The following DSCAM variants were observed in gnomAD, a reference collection of about 807,000 sequenced individuals.
DSCAM encodes the protein DS cell adhesion molecule, also known as cell adhesion molecule DSCAM.
Under a neutral mutation model 217.7 loss-of-function variants are expected in DSCAM, and 47 were observed. The ratio of observed to expected loss-of-function variants is 0.22; its 90% CI spans 0.17 to 0.28. The LOEUF is 0.28. Among genes scored for constraint, DSCAM ranks in the 10% least tolerant of loss-of-function variants. DSCAM has a pLI of 1.00. For synonymous variants in DSCAM, 1,056 were observed against 1,015.3 expected (o/e 1.04, Z -0.76); for missense variants, 2,080 against 2,618.3 (o/e 0.79, Z 4.49).
chr21:40,183,889 A>T (rs2090866048), intron 14 of DSCAM, among the ~76,000 whole-genome samples: 1 of 152,240 alleles, frequency 6.6e-6, no homozygotes, highest in African/African-American at 2.4e-5. Flanking sequence ...TGCCTAAAAC[A>T]GATGTTGAGA....
chr21:40,283,861 C>T (rs1305096043), intron 10 of DSCAM, among the ~76,000 whole-genome samples: 1 of 151,986 alleles, frequency 6.6e-6, no homozygotes. Flanking sequence ...CCAGAGGGGT[C>T]CCCTTGTAGG....
intron 1 of DSCAM, among the ~76,000 whole-genome samples, chr21:40,741,711 A>C (rs2091125903): frequency 6.6e-6 from 1 of 152,228 alleles, no homozygotes; most frequent in African/African-American, 2.4e-5. Context: ...GTAATACTGC[A>C]GCCCCATCCA....
At chr21:40,599,653 A>G (rs1029284004) in intron 3 of DSCAM, among the ~76,000 whole-genome samples, 3 of 152,230 alleles carry the variant, frequency 2.0e-5, no homozygotes, top group Admixed American at 1.3e-4. Context: ...ATCCTTCAAA[A>G]AAATCAATGA....
At chr21:40,378,426 A>G (rs893119608) in intron 3 of DSCAM, among the ~76,000 whole-genome samples, 1 of 152,194 alleles carries the variant, frequency 6.6e-6, no homozygotes. Flanking sequence ...GTATATTTCA[A>G]GTGTGAGACT....
In DSCAM at chr21:40,330,259, TTA is replaced by T. The variant is rs1280308658; in HGVS notation, c.1783+7840_1783+7841del. 1.0e-4 allele frequency among the ~76,000 whole-genome samples: 15 copies of T among 148,000 alleles called. No individual in the cohort carries two copies. The South Asian group carries it at 2.5e-3, about 25-fold the overall frequency. On this transcript the variant is annotated intron_variant, in intron 8 of 32. Transcript: ENST00000400454. The stretch of plus-strand genomic sequence containing the variant: ...ACATAACATATATTTATGCATATAT[TTA>T]TATATATCAAAATATATTTATTATA...
intron 3 of DSCAM, among the ~76,000 whole-genome samples, chr21:40,533,161 T>G (rs189454903): frequency 1.3e-5 from 2 of 152,208 alleles, no homozygotes; most frequent in South Asian, 4.1e-4. Context: ...CAGGATACTG[T>G]AAAGAGAATA....
At chr21:40,595,039 C>A (rs1258801958) in intron 3 of DSCAM, among the ~76,000 whole-genome samples, 1 of 152,188 alleles carries the variant, frequency 6.6e-6, no homozygotes, top group East Asian at 1.9e-4. Flanking sequence ...ACAGGGCAGG[C>A]CTTCTTTGGT....
At chr21:40,295,694 G>A (rs953216257) in intron 10 of DSCAM, among the ~76,000 whole-genome samples, 2 of 152,200 alleles carry the variant, frequency 1.3e-5, no homozygotes, top group Non-Finnish European at 2.9e-5. Flanking sequence ...GAGTAGTTCT[G>A]ACAATTTAAA....
At chr21:40,485,314 C>A (rs1028797011) in intron 3 of DSCAM, among the ~76,000 whole-genome samples, 1 of 148,464 alleles carries the variant, frequency 6.7e-6, no homozygotes, top group Non-Finnish European at 1.5e-5. Flanking sequence ...GCGATCTCGG[C>A]TCACTGCAAG....
intron 3 of DSCAM, among the ~76,000 whole-genome samples, chr21:40,563,645 G>A (rs2076739937): frequency 7.2e-6 from 1 of 139,596 alleles, no homozygotes; most frequent in Admixed American, 7.1e-5. Context: ...TGTATATATA[G>A]TTATATGTTT....
intron 3 of DSCAM, among the ~76,000 whole-genome samples, chr21:40,403,255 A>G (rs925104285): frequency 6.6e-6 from 1 of 152,176 alleles, no homozygotes; most frequent in Non-Finnish European, 1.5e-5. Context: ...TGGAGAATGT[A>G]CATTTTAAAA....
intron 3 of DSCAM, among the ~76,000 whole-genome samples, chr21:40,513,521 G>A (rs912574104): frequency 2.6e-5 from 4 of 152,176 alleles, no homozygotes; most frequent in Non-Finnish European, 5.9e-5. Flanking sequence ...ATGGTGGAAG[G>A]TGAAAAGGGA....
chr21:40,842,802 C>T (rs965428075), intron 1 of DSCAM, among the ~76,000 whole-genome samples: 1 of 152,130 alleles, frequency 6.6e-6, no homozygotes, highest in African/African-American at 2.4e-5. Flanking sequence ...CTCACTGATC[C>T]CCCGAGGCAG....
At chr21:40,109,762 G>A (rs577854136) in intron 20 of DSCAM, among the ~76,000 whole-genome samples, 1 of 152,306 alleles carries the variant, frequency 6.6e-6, no homozygotes, top group South Asian at 2.1e-4. Context: ...GGCACACCAG[G>A]AGATTATATC....
intron 28 of DSCAM, among the ~76,000 whole-genome samples, chr21:40,060,652 A>G (rs1268201315): frequency 6.6e-6 from 1 of 152,228 alleles, no homozygotes; most frequent in Non-Finnish European, 1.5e-5. Context: ...AGGCACCATT[A>G]TCACCTCCGC....
At chr21:40,622,829 T>G (rs1409894041) in intron 3 of DSCAM, among the ~76,000 whole-genome samples, 1 of 149,684 alleles carries the variant, frequency 6.7e-6, no homozygotes, top group Non-Finnish European at 1.5e-5. Context: ...AATACCTGTT[T>G]AGAGTTAAAA....
At chr21:40,706,041 T>C (rs186807186) in intron 2 of DSCAM, among the ~76,000 whole-genome samples, 2 of 150,412 alleles carry the variant, frequency 1.3e-5, no homozygotes, top group African/African-American at 2.4e-5. Context: ...GTTAGCTGGG[T>C]GTGGTGGCGG....
intron 18 of DSCAM, among the ~76,000 whole-genome samples, chr21:40,141,561 T>A (rs2090290525): frequency 6.6e-6 from 1 of 151,970 alleles, no homozygotes; most frequent in Non-Finnish European, 1.5e-5. Flanking sequence ...AGAGTTGCAG[T>A]GAGCTGAGAT....
At chr21:40,136,591 C>T (rs1404643823) in intron 18 of DSCAM, among the ~76,000 whole-genome samples, 1 of 152,180 alleles carries the variant, frequency 6.6e-6, no homozygotes, top group Non-Finnish European at 1.5e-5. Flanking sequence ...ACACGTACCT[C>T]CCTACAGATA....
Sources: allele counts gnomAD v4.1 joint callset (sites outside exome capture counted in the v4.1 genomes callset), GRCh38; gene constraint gnomAD v4.1.1; transcripts MANE v1.5; gene names NCBI Gene and HGNC (gene_info 2026-07-23, HGNC 2026-07-21).